Variants in CFAP61 observed in about 807,000 individuals in gnomAD.
CFAP61 encodes the protein cilia and flagella associated protein 61.
Under a neutral mutation model 135.6 loss-of-function variants are expected in CFAP61, and 107 were observed. The ratio of observed to expected loss-of-function variants is 0.79; its 90% CI spans 0.67 to 0.93. The LOEUF is 0.93. CFAP61 is among the 40% of genes least tolerant of loss of function. The pLI, the probability that CFAP61 is intolerant of heterozygous loss-of-function variation, is 0.00. For synonymous variants in CFAP61, 575 were observed against 578.5 expected (o/e 0.99, Z 0.09); for missense variants, 1,507 against 1,556.2 (o/e 0.97, Z 0.53).
At chr20:20,064,944 A>G (rs2045128229) in intron 2 of CFAP61, among the ~76,000 whole-genome samples, 1 of 152,174 alleles carries the variant, frequency 6.6e-6, no homozygotes, top group Non-Finnish European at 1.5e-5. Context: ...TTGTAGGTAT[A>G]ATAATCAGGG....
Position 20,298,892 on chromosome 20 carries a change from A to G in CFAP61, c.3422+506A>G, listed in dbSNP as rs183551706. Among the ~76,000 whole-genome samples the G allele has an allele frequency of 2.0e-4, 30 of 152,298 alleles. No individual in the cohort carries two copies. In the East Asian group the frequency reaches 5.6e-3, roughly 28 times the overall value. ...ATTCCCACACTGACAGGTCGGTTAG[A>G]CTTGAAACCTTTGTCTTTTCAAACT... On this transcript the variant is annotated intron_variant, in intron 25 of 26. Coordinates refer to ENST00000245957, the MANE Select transcript of CFAP61 (RefSeq NM_015585.4).
chr20:20,219,968 G>T (rs1237266365), intron 17 of CFAP61, among the ~76,000 whole-genome samples: 19 of 152,142 alleles, frequency 1.2e-4, no homozygotes, highest in Admixed American at 1.2e-3. Flanking sequence ...AAAGGTGAGA[G>T]GAGCATCTTT....
rs2053827593 is a variant in CFAP61 at position 20,277,207 on chromosome 20, A to T, written c.2545A>T (p.Thr849Ser). ...TGGGAATACAATTGATACTTACACC[A>T]CCGTGGAGACGCTCTTAAACCTTGG... is the stretch of plus-strand genomic sequence containing the variant. ...VYGNTIDTYT[T>S]VETLLNLGVS... Residue 849 changes from threonine to serine, a missense_variant, in exon 22 of 27, where the codon ACC becomes TCC. By Grantham distance (58) the Thr-to-Ser change is moderately conservative. Transcript: ENST00000245957. 1 of 1,613,570 alleles carries T rather than the reference A, an allele frequency of 6.2e-7. No homozygotes were observed. Among genetic ancestry groups the T allele is most frequent in the Non-Finnish European group, 8.5e-7 (1 of 1,179,822 alleles).
At chr20:20,122,788 G>A (rs2049765177) in intron 8 of CFAP61, among the ~76,000 whole-genome samples, 1 of 148,918 alleles carries the variant, frequency 6.7e-6, no homozygotes, top group South Asian at 2.1e-4. Flanking sequence ...CCAGTAGTGG[G>A]ATTGCTGGAT....
intron 26 of CFAP61, among the ~76,000 whole-genome samples, chr20:20,343,518 T>C (rs1022255999): frequency 1.6e-4 from 25 of 152,126 alleles, no homozygotes; most frequent in Admixed American, 3.9e-4. Context: ...CCACTAAAGA[T>C]GCTGCAGGCC....
intron 6 of CFAP61, among the ~76,000 whole-genome samples, chr20:20,087,773 G>A (rs922316695): frequency 2.6e-5 from 4 of 152,082 alleles, no homozygotes; most frequent in African/African-American, 9.7e-5. Context: ...AACATAGAGA[G>A]GTAAAGTACC....
At chr20:20,157,860 A>G (rs911979473) in intron 9 of CFAP61, among the ~76,000 whole-genome samples, 2 of 152,258 alleles carry the variant, frequency 1.3e-5, no homozygotes, top group African/African-American at 2.4e-5. Flanking sequence ...AAATATTTGC[A>G]AATTACATAT....
At chr20:20,113,248 A>G (rs1450998012) in intron 8 of CFAP61, among the ~76,000 whole-genome samples, 1 of 152,194 alleles carries the variant, frequency 6.6e-6, no homozygotes, top group East Asian at 1.9e-4. Flanking sequence ...CTGAGAAAGT[A>G]AAATTTCCCA....
At chr20:20,247,556 TAAATTATTAAATGAGATGA>T (rs1030703678) in intron 19 of CFAP61, among the ~76,000 whole-genome samples, 6 of 152,216 alleles carry the variant, frequency 3.9e-5, no homozygotes, top group Non-Finnish European at 7.3e-5. Context: ...TATTTACATT[TAAATTATTAAATGAGATGA>T]AAAAGTCGGC....
At chr20:20,114,070 A>T (rs922128150) in intron 8 of CFAP61, among the ~76,000 whole-genome samples, 1 of 151,852 alleles carries the variant, frequency 6.6e-6, no homozygotes, top group Admixed American at 6.6e-5. Flanking sequence ...GGAGTTCGAG[A>T]CCACCCTGGG....
chr20:20,328,126 G>A (rs972493252), intron 25 of CFAP61, among the ~76,000 whole-genome samples: 2 of 152,214 alleles, frequency 1.3e-5, no homozygotes, highest in African/African-American at 4.8e-5. Context: ...GGCCAGCGTG[G>A]CTGTAGCACA....
chr20:20,134,594 G>A (rs1443782399), intron 8 of CFAP61, among the ~76,000 whole-genome samples: 2 of 152,194 alleles, frequency 1.3e-5, no homozygotes, highest in Non-Finnish European at 2.9e-5. Context: ...AGGAGATGAG[G>A]AGGGATTGAA....
At chr20:20,096,067 G>A (rs551542995) in intron 7 of CFAP61, among the ~76,000 whole-genome samples, 1 of 152,232 alleles carries the variant, frequency 6.6e-6, no homozygotes, top group South Asian at 2.1e-4. Flanking sequence ...AGACACTTGT[G>A]GTGAAAAGTA....
chr20:20,208,617 T>C (rs2056965138), intron 17 of CFAP61, among the ~76,000 whole-genome samples: 1 of 152,242 alleles, frequency 6.6e-6, no homozygotes, highest in South Asian at 2.1e-4. Context: ...GTTGAATTTC[T>C]AGTCTTTCTG....
chr20:20,259,381 G>C (rs1416710420), intron 20 of CFAP61, among the ~76,000 whole-genome samples: 2 of 149,426 alleles, frequency 1.3e-5, no homozygotes, highest in Non-Finnish European at 3.0e-5. Context: ...AGCCTCCCGA[G>C]TAGCTGGGAC....
intron 18 of CFAP61, among the ~76,000 whole-genome samples, chr20:20,244,265 C>G (rs1369447161): frequency 6.6e-6 from 1 of 152,240 alleles, no homozygotes; most frequent in Non-Finnish European, 1.5e-5. Flanking sequence ...CGCCCTGACT[C>G]CACATTTCCC....
intron 8 of CFAP61, among the ~76,000 whole-genome samples, chr20:20,128,525 C>G (rs984440729): frequency 6.6e-6 from 1 of 151,712 alleles, no homozygotes; most frequent in African/African-American, 2.4e-5. Flanking sequence ...GGGGCACTCA[C>G]AGTATTTGGG....
chr20:20,061,509 G>A (rs1678036998), intron 2 of CFAP61, among the ~76,000 whole-genome samples: 1 of 152,016 alleles, frequency 6.6e-6, no homozygotes, highest in African/African-American at 2.4e-5. Context: ...CCAAAATAAG[G>A]GCTAGTATTG....
At chr20:20,183,821 G>C (rs2055297229) in intron 13 of CFAP61, among the ~76,000 whole-genome samples, 1 of 152,160 alleles carries the variant, frequency 6.6e-6, no homozygotes, top group African/African-American at 2.4e-5. Flanking sequence ...AAGTGTACAG[G>C]CTCTTGTACT....
Sources: gnomAD v4.1 joint callset for allele counts (sites outside exome capture counted in the v4.1 genomes callset) on GRCh38, gnomAD v4.1.1 for gene constraint, MANE v1.5 for transcripts, NCBI Gene and HGNC (gene_info 2026-07-23, HGNC 2026-07-21) for gene names.